LRRK2: variants seen among roughly 807,000 people sequenced by gnomAD.
LRRK2 encodes the protein leucine-rich repeat serine/threonine-protein kinase 2.
LRRK2 carries 203 observed loss-of-function variants against 302.6 expected under a neutral mutation model. The observed-to-expected ratio is 0.67, with a 90% CI of 0.60 to 0.75. LRRK2 has a LOEUF of 0.75. Among genes scored for constraint, LRRK2 ranks in the 30% least tolerant of loss-of-function variants. The pLI is 0.00. For synonymous variants in LRRK2, 1,066 were observed against 1,031.9 expected (o/e 1.03, Z -0.63); for missense variants, 2,830 against 2,951.0 (o/e 0.96, Z 0.95).
At position 40,253,986 on chromosome 12, in the gene LRRK2, T is replaced by C. The variant is rs561792012; in HGVS notation, c.1288+970T>C. Among the ~76,000 whole-genome samples the C allele has an allele frequency of 2.0e-5, 3 of 152,344 alleles. No individual in the cohort carries two copies. The East Asian group carries it at 5.8e-4, about 29-fold the overall frequency. Reference sequence around the variant, plus strand: ...AAATCGTTCTTTAATGTAATTCTTATAAATCTTATAGCTTTGTATAATTAT... The same window carrying C: ...AAATCGTTCTTTAATGTAATTCTTACAAATCTTATAGCTTTGTATAATTAT... On this transcript the variant is annotated intron_variant, in intron 11 of 50. Coordinates refer to ENST00000298910, the MANE Select transcript of LRRK2 (RefSeq NM_198578.4).
chr12:40,365,319 C>A, intron 49 of LRRK2: 1 of 386,006 alleles, frequency 2.6e-6, no homozygotes, highest in Non-Finnish European at 4.7e-6. Flanking sequence ...TTACCTAAGG[C>A]AAAAATGGGA....
chr12:40,351,379 T>C lies in LRRK2; in HGVS notation c.6382-160T>C, dbSNP rs7307310. Among the ~76,000 whole-genome samples, 130,202 of 152,160 alleles carry C rather than the reference T, an allele frequency of 0.86. 55,765 individuals carry two copies. Among genetic ancestry groups the C allele is most frequent in the Middle Eastern group, 0.91 (269 of 294 alleles). On this transcript the variant is annotated intron_variant, in intron 43 of 50. Transcript: ENST00000298910. The stretch of plus-strand genomic sequence containing the variant: ...TATTTGTCTTTTCATGTAATTTTAT[T>C]TGTAGTTTAGATTACTAATCTTGGT...
At chr12:40,275,838 C>G (rs983120051) in intron 16 of LRRK2, among the ~76,000 whole-genome samples, 2 of 151,838 alleles carry the variant, frequency 1.3e-5, no homozygotes, top group African/African-American at 4.8e-5. Context: ...CTCAAACTCC[C>G]TGGTCTCAAG....
chr12:40,302,263 A>G (rs1944659695), intron 25 of LRRK2, among the ~76,000 whole-genome samples: 1 of 152,064 alleles, frequency 6.6e-6, no homozygotes, highest in Non-Finnish European at 1.5e-5. Context: ...ATTTTACTTT[A>G]TTTTACTGAA....
chr12:40,265,020 T>C (rs1467036152), intron 14 of LRRK2, among the ~76,000 whole-genome samples: 1 of 152,194 alleles, frequency 6.6e-6, no homozygotes. Flanking sequence ...CTTTGATGAA[T>C]GTCATAAATT....
chr12:40,230,095 C>T (rs1325449472), intron 2 of LRRK2, among the ~76,000 whole-genome samples: 1 of 150,728 alleles, frequency 6.6e-6, no homozygotes, highest in Middle Eastern at 3.2e-3. Context: ...GGATTGTCAA[C>T]GTCTGTTCAG....
Position 40,354,317 on chromosome 12 carries a change from A to T in LRRK2, c.6595A>T (p.Ile2199Leu), listed in dbSNP as rs1421005011. The change falls in exon 45 of 51, where the codon ATA becomes TTA. Residue 2199 changes from isoleucine to leucine, a missense_variant. By Grantham distance (5) the Ile-to-Leu change is conservative. Transcript: ENST00000298910. ...YTSEEVADSR[I>L]LCLALVHLPV... is the part of the protein sequence containing the mutation. ...TTAACAGGAAGTTGCTGATAGTAGA[A>T]TATTGTGCTTAGCCTTGGTGCATCT... 1 of 1,614,110 alleles carries T rather than the reference A, an allele frequency of 6.2e-7. No individual in the cohort carries two copies.
chr12:40,360,877 CTGCCTAT>C (rs11277474), intron 47 of LRRK2, among the ~76,000 whole-genome samples: 116,400 of 151,656 alleles, frequency 0.77, 45,516 homozygotes, highest in Non-Finnish European at 0.85. Flanking sequence ...ATTATGCCCC[CTGCCTAT>C]TTCAGTCCAA....
intron 38 of LRRK2, among the ~76,000 whole-genome samples, chr12:40,323,905 A>G (rs967708469): frequency 6.6e-6 from 1 of 151,934 alleles, no homozygotes; most frequent in Admixed American, 6.6e-5. Context: ...TTCATGTAGC[A>G]TGTTTAGGTG....
At position 40,277,962 on chromosome 12, in the gene LRRK2, C is replaced by T. The variant is rs777586007; in HGVS notation, c.2016C>T (p.Asp672=). ...FSKLLVHHSF[D]LVIFHQMSSN... ...AGCTGCTGGTGCATCATTCATTTGA[C>T]TTAGTAATATTCCATCAAATGTCTT... is the stretch of plus-strand genomic sequence containing the variant. The change falls in exon 17 of 51, where the codon GAC becomes GAT. Residue 672 remains aspartate, a synonymous_variant. Transcript: ENST00000298910. The T allele has an allele frequency of 1.6e-5, 26 of 1,613,260 alleles. No individual in the cohort carries two copies. The highest frequency in any genetic ancestry group is 1.7e-6 in the Non-Finnish European group (2 of 1,179,788).
At chr12:40,300,687 G>A (rs1944590365) in intron 25 of LRRK2, 1 of 424,534 alleles carries the variant, frequency 2.4e-6, no homozygotes, top group Admixed American at 2.6e-5. Flanking sequence ...TCACTCACTA[G>A]TAAGCAAAGC....
chr12:40,234,618 C>G (rs1004197948), intron 3 of LRRK2, among the ~76,000 whole-genome samples: 1 of 151,656 alleles, frequency 6.6e-6, no homozygotes, highest in Non-Finnish European at 1.5e-5. Flanking sequence ...ACCTCATGAT[C>G]CCCCCGCCTC....
intron 12 of LRRK2, among the ~76,000 whole-genome samples, chr12:40,258,839 G>A (rs369687938): frequency 2.6e-5 from 4 of 152,108 alleles, no homozygotes; most frequent in Non-Finnish European, 5.9e-5. Context: ...TGAGAACATG[G>A]TTCTGATATG....
intron 12 of LRRK2, 118 bp downstream of exon 12, chr12:40,257,495 C>T (rs2136509033): frequency 8.0e-7 from 1 of 1,253,686 alleles, no homozygotes; most frequent in Admixed American, 1.9e-5. Flanking sequence ...CACTTGAAAA[C>T]TGAAGCATTT....
intron 41 of LRRK2, among the ~76,000 whole-genome samples, chr12:40,345,688 G>A (rs570248306): frequency 4.1e-5 from 6 of 145,442 alleles, no homozygotes; most frequent in South Asian, 2.2e-4. Context: ...TCATATACCC[G>A]ACGCATAAAT....
chr12:40,262,029 T>G (rs976215737), intron 13 of LRRK2, among the ~76,000 whole-genome samples: 2 of 152,236 alleles, frequency 1.3e-5, no homozygotes. Flanking sequence ...CTGCTAGTTT[T>G]AGAGGAAATA....
intron 11 of LRRK2, among the ~76,000 whole-genome samples, chr12:40,256,077 C>A (rs758692515): frequency 6.6e-6 from 1 of 152,114 alleles, no homozygotes; most frequent in Non-Finnish European, 1.5e-5. Flanking sequence ...ATTTTTATAG[C>A]GGCTTCAAGA....
chr12:40,289,587 G>A (rs1393723016), intron 20 of LRRK2, among the ~76,000 whole-genome samples: 2 of 148,882 alleles, frequency 1.3e-5, no homozygotes, highest in African/African-American at 4.9e-5. Context: ...TAATTTGAGG[G>A]AACTAATATA....
chr12:40,275,087 T>A, intron 16 of LRRK2, 94 bp downstream of exon 16: 1 of 1,332,964 alleles, frequency 7.5e-7, no homozygotes, highest in Non-Finnish European at 1.1e-6. Context: ...AATGGGGTAT[T>A]CTAGTTAATG....
Sources: allele counts gnomAD v4.1 joint callset (sites outside exome capture counted in the v4.1 genomes callset), GRCh38; gene constraint gnomAD v4.1.1; transcripts MANE v1.5; gene names NCBI Gene and HGNC (gene_info 2026-07-23, HGNC 2026-07-21).